The following ADAMTSL1 variants were observed in gnomAD, a reference collection of about 807,000 sequenced individuals.
ADAMTSL1 encodes the protein ADAMTS-like protein 1.
Under a neutral mutation model 201.8 loss-of-function variants are expected in ADAMTSL1, and 126 were observed. That is an observed-to-expected ratio of 0.62 (90% CI 0.54 to 0.72). The LOEUF is 0.72. Ranked by LOEUF, ADAMTSL1 falls within the 30% of genes least tolerant of loss-of-function variation. ADAMTSL1 has a pLI of 0.00. For missense variants in ADAMTSL1, 2,679 were observed against 2,277.8 expected (o/e 1.18, Z -3.59); for synonymous variants, 1,121 against 903.4 (o/e 1.24, Z -4.32).
intron 1 of ADAMTSL1, among the ~76,000 whole-genome samples, chr9:18,074,516 T>TTTC (rs1174715661): frequency 3.4e-4 from 39 of 113,366 alleles, no homozygotes; most frequent in Middle Eastern, 8.5e-3. Flanking sequence ...CTTTTCTTCT[T>TTTC]TTCTTTTCTT....
chr9:18,305,381 G>T (rs1054193551), intron 2 of ADAMTSL1, among the ~76,000 whole-genome samples: 1 of 152,204 alleles, frequency 6.6e-6, no homozygotes, highest in South Asian at 2.1e-4. Flanking sequence ...TAGAAAGGGG[G>T]CTGAAGCCAG....
At chr9:18,688,584 C>T (rs1830988955) in intron 13 of ADAMTSL1, among the ~76,000 whole-genome samples, 1 of 135,368 alleles carries the variant, frequency 7.4e-6, no homozygotes, top group African/African-American at 2.8e-5. Context: ...TGGAGGGTTG[C>T]TTGAGCCTGG....
intron 2 of ADAMTSL1, among the ~76,000 whole-genome samples, chr9:18,226,937 C>A (rs1022876716): frequency 1.3e-5 from 2 of 151,898 alleles, no homozygotes; most frequent in Admixed American, 1.3e-4. Flanking sequence ...AGGATGGGGT[C>A]CACAAATATA....
chr9:18,856,698 T>A (rs974174382), intron 23 of ADAMTSL1, among the ~76,000 whole-genome samples: 1 of 151,990 alleles, frequency 6.6e-6, no homozygotes, highest in Non-Finnish European at 1.5e-5. Flanking sequence ...CCTCAAGCAA[T>A]CCTCCTGCCT....
chr9:18,733,458 G>C (rs1246009231), intron 15 of ADAMTSL1, among the ~76,000 whole-genome samples: 1 of 152,128 alleles, frequency 6.6e-6, no homozygotes, highest in East Asian at 1.9e-4. Context: ...CCACCACTGA[G>C]TTATTAGGCA....
chr9:18,269,185 A>T (rs1211704890), intron 2 of ADAMTSL1, among the ~76,000 whole-genome samples: 1 of 152,170 alleles, frequency 6.6e-6, no homozygotes, highest in East Asian at 1.9e-4. Context: ...ATTATGCTCA[A>T]TAAAATTTGT....
At chr9:18,596,150 A>C (rs558572089) in intron 4 of ADAMTSL1, among the ~76,000 whole-genome samples, 2 of 152,200 alleles carry the variant, frequency 1.3e-5, no homozygotes, top group Non-Finnish European at 2.9e-5. Flanking sequence ...CTGAAGCCTA[A>C]GTGGGTTCAA....
chr9:18,749,837 C>T (rs1166957337), intron 15 of ADAMTSL1, among the ~76,000 whole-genome samples: 1 of 152,232 alleles, frequency 6.6e-6, no homozygotes, highest in Non-Finnish European at 1.5e-5. Context: ...ATGCAGTGCA[C>T]TTTTATCAGG....
At chr9:18,180,736 A>G (rs1287676957) in intron 2 of ADAMTSL1, among the ~76,000 whole-genome samples, 1 of 152,150 alleles carries the variant, frequency 6.6e-6, no homozygotes, top group African/African-American at 2.4e-5. Context: ...ATTCAATGCC[A>G]TCCCCATCAA....
chr9:18,812,197 T>C (rs888021865), intron 20 of ADAMTSL1, among the ~76,000 whole-genome samples: 10 of 152,126 alleles, frequency 6.6e-5, no homozygotes, highest in Non-Finnish European at 1.5e-4. Flanking sequence ...CTACAATAAA[T>C]AATATTGTGT....
chr9:18,026,729 T>G lies in ADAMTSL1; in HGVS notation c.87+119807T>G, dbSNP rs145709724. ...ACAATGCTGGCTTTGTAGAATGAGT[T>G]AGAGAGGAGTCCCTCCTCCTCAATT... On this transcript the variant is annotated intron_variant, in intron 1 of 29. Coordinates refer to the ADAMTSL1 transcript ENST00000680146. 6.0e-3 allele frequency among the ~76,000 whole-genome samples: 916 copies of G among 152,210 alleles called. 11 individuals carry two copies. Among genetic ancestry groups the G allele is most frequent in the African/African-American group, 0.021 (867 of 41,558 alleles).
chr9:18,272,717 T>C (rs186920251), intron 2 of ADAMTSL1, among the ~76,000 whole-genome samples: 103 of 152,322 alleles, frequency 6.8e-4, no homozygotes, highest in African/African-American at 2.1e-3. Flanking sequence ...AAAATGGTTT[T>C]CCTAGACATT....
At chr9:18,147,208 G>C (rs1325620176) in intron 1 of ADAMTSL1, among the ~76,000 whole-genome samples, 4 of 152,088 alleles carry the variant, frequency 2.6e-5, no homozygotes, top group Non-Finnish European at 4.4e-5. Flanking sequence ...TCATTTTGCT[G>C]ATTTGTGAGG....
chr9:17,987,835 G>C (rs1408051663), intron 1 of ADAMTSL1, among the ~76,000 whole-genome samples: 6 of 152,028 alleles, frequency 3.9e-5, no homozygotes, highest in African/African-American at 1.2e-4. Context: ...CAGCAGTTGA[G>C]ACCAGTGGCT....
At chr9:18,769,669 A>G (rs1820573032) in intron 16 of ADAMTSL1, among the ~76,000 whole-genome samples, 1 of 152,322 alleles carries the variant, frequency 6.6e-6, no homozygotes, top group South Asian at 2.1e-4. Context: ...GCGAGGAGAA[A>G]GAGAAGGGAA....
At chr9:18,324,057 T>C (rs1834729566) in intron 2 of ADAMTSL1, among the ~76,000 whole-genome samples, 1 of 152,210 alleles carries the variant, frequency 6.6e-6, no homozygotes, top group Non-Finnish European at 1.5e-5. Flanking sequence ...AAATAGGATT[T>C]ATACTACCTG....
At chr9:18,452,047 G>A (rs1400904226) in intron 2 of ADAMTSL1, among the ~76,000 whole-genome samples, 3 of 152,152 alleles carry the variant, frequency 2.0e-5, no homozygotes, top group African/African-American at 7.2e-5. Flanking sequence ...CCGAGTAGCT[G>A]GGATTACAGG....
At chr9:18,079,514 C>A (rs1823382815) in intron 1 of ADAMTSL1, among the ~76,000 whole-genome samples, 1 of 151,820 alleles carries the variant, frequency 6.6e-6, no homozygotes, top group Non-Finnish European at 1.5e-5. Context: ...AACCCCGTCT[C>A]TACTAAAACA....
intron 1 of ADAMTSL1, among the ~76,000 whole-genome samples, chr9:18,141,921 T>G (rs1340099200): frequency 1.3e-5 from 2 of 152,200 alleles, no homozygotes; most frequent in Non-Finnish European, 2.9e-5. Context: ...AGTCTACATC[T>G]TCTCACTGAG....
Sources: gnomAD v4.1 joint callset for allele counts (sites outside exome capture counted in the v4.1 genomes callset) on GRCh38, gnomAD v4.1.1 for gene constraint, MANE v1.5 for transcripts, NCBI Gene and HGNC (gene_info 2026-07-23, HGNC 2026-07-21) for gene names.